Variants in TTBK2 observed in about 807,000 individuals in gnomAD.
TTBK2 encodes the protein tau-tubulin kinase 2.
Under a neutral mutation model 110.8 loss-of-function variants are expected in TTBK2, and 28 were observed. The observed-to-expected ratio is 0.25, with a 90% CI of 0.19 to 0.35. TTBK2 has a LOEUF of 0.35. Among genes scored for constraint, TTBK2 ranks in the 10% least tolerant of loss-of-function variants. The pLI is 1.00. For synonymous variants in TTBK2, 532 were observed against 527.3 expected (o/e 1.01, Z -0.12); for missense variants, 1,369 against 1,500.3 (o/e 0.91, Z 1.45).
At chr15:42,890,174 T>TG (rs1331234502) in intron 1 of TTBK2, among the ~76,000 whole-genome samples, 1 of 152,168 alleles carries the variant, frequency 6.6e-6, no homozygotes, top group Non-Finnish European at 1.5e-5. Context: ...ATCCACCCCC[T>TG]GCCTGCAAAA....
At chr15:42,791,373 T>C (rs1015248698) in intron 10 of TTBK2, among the ~76,000 whole-genome samples, 1 of 152,152 alleles carries the variant, frequency 6.6e-6, no homozygotes, top group African/African-American at 2.4e-5. Context: ...TTTTAACATA[T>C]TATTTTGTTT....
chr15:42,768,901 AC>A (rs1889519322), intron 13 of TTBK2, among the ~76,000 whole-genome samples: 1 of 152,230 alleles, frequency 6.6e-6, no homozygotes, highest in South Asian at 2.1e-4. Context: ...TGGTACTGGT[AC>A]CAAAACAGAT....
At chr15:42,757,579 A>C (rs2061965799) in intron 13 of TTBK2, among the ~76,000 whole-genome samples, 1 of 152,226 alleles carries the variant, frequency 6.6e-6, no homozygotes, top group Non-Finnish European at 1.5e-5. Flanking sequence ...TTATCTGACA[A>C]AATAAAAGGA....
At chr15:42,840,497 T>G (rs1893175893) in intron 3 of TTBK2, 64 bp from the exon 4 acceptor site, 2 of 1,442,224 alleles carry the variant, frequency 1.4e-6, no homozygotes, top group South Asian at 2.3e-5. Flanking sequence ...AATTAATAAT[T>G]TGCTTTTCTG....
At chr15:42,748,185 G>A (rs191632159) in intron 14 of TTBK2, among the ~76,000 whole-genome samples, 2 of 152,182 alleles carry the variant, frequency 1.3e-5, no homozygotes, top group East Asian at 1.9e-4. Context: ...CCCAGGGCAC[G>A]GTGGCTCACA....
Position 42,794,821 on chromosome 15 carries a change from A to T in TTBK2, c.823-20T>A. 1.2e-6 allele frequency: 2 copies of T among 1,613,888 alleles called. No homozygotes were observed. The highest frequency in any genetic ancestry group is 2.2e-5 in the South Asian group (2 of 91,054). On this transcript the variant is annotated intron_variant, in intron 9 of 14. Transcript: ENST00000267890. ...AAGAAGCTAAACCACAAAGAAAAAA[A>T]CTAGAGTAAGTGAACAGTAAACATA... is the stretch of plus-strand genomic sequence containing the variant.
intron 10 of TTBK2, among the ~76,000 whole-genome samples, chr15:42,783,873 C>T (rs1280222858): frequency 6.6e-6 from 1 of 151,836 alleles, no homozygotes; most frequent in Non-Finnish European, 1.5e-5. Context: ...ACCAGCCTGG[C>T]CAACATGGTG....
intron 7 of TTBK2, among the ~76,000 whole-genome samples, chr15:42,815,956 AAAAT>A (rs1891961822): frequency 3.1e-5 from 2 of 63,950 alleles, no homozygotes; most frequent in African/African-American, 1.9e-4. Flanking sequence ...ATTTAAAAAA[AAAAT>A]ATATATATAT....
chr15:42,870,044 C>T (rs1894551773), intron 3 of TTBK2, among the ~76,000 whole-genome samples: 1 of 151,902 alleles, frequency 6.6e-6, no homozygotes. Context: ...CATGGTGGCA[C>T]CCACCCGTAG....
At chr15:42,791,016 T>C (rs1216211948) in intron 10 of TTBK2, among the ~76,000 whole-genome samples, 1 of 152,172 alleles carries the variant, frequency 6.6e-6, no homozygotes. Flanking sequence ...CCCGAGTAGC[T>C]AGGGCTATAG....
At chr15:42,896,107 T>C (rs528110070) in intron 1 of TTBK2, among the ~76,000 whole-genome samples, 1 of 151,732 alleles carries the variant, frequency 6.6e-6, no homozygotes, top group South Asian at 2.1e-4. Flanking sequence ...CTCAAGTGGA[T>C]AACCTGAGGT....
intron 3 of TTBK2, chr15:42,871,478 A>G: frequency 1.0e-6 from 1 of 985,324 alleles, no homozygotes; most frequent in Non-Finnish European, 1.2e-6. Flanking sequence ...AGTAGGAGAA[A>G]GGTGAAGTGG....
chr15:42,867,405 T>C (rs886396176), intron 3 of TTBK2, among the ~76,000 whole-genome samples: 24 of 151,868 alleles, frequency 1.6e-4, no homozygotes, highest in Non-Finnish European at 2.9e-4. Flanking sequence ...AGAAAATCAA[T>C]AGAGAAAATT....
rs373428985 is a variant in TTBK2 at position 42,893,814 on chromosome 15, T to C, written c.-67-15130A>G. On this transcript the variant is annotated intron_variant, in intron 1 of 14. Transcript: ENST00000267890. Reference sequence around the variant, plus strand: ...GTTATCACTATAGACTCCACAGACATAAATATATAATTAGGAAACATAATG... The same window carrying C: ...GTTATCACTATAGACTCCACAGACACAAATATATAATTAGGAAACATAATG... Among the ~76,000 whole-genome samples, 15 of 152,166 alleles carry C rather than the reference T, an allele frequency of 9.9e-5. No homozygotes were observed. The East Asian group carries it at 1.9e-3, about 20-fold the overall frequency.
intron 13 of TTBK2, among the ~76,000 whole-genome samples, chr15:42,763,147 T>TATATATAC (rs1567008704): frequency 1.3e-5 from 1 of 74,638 alleles, no homozygotes; most frequent in African/African-American, 7.9e-5. Context: ...TACATACATA[T>TATATATAC]ATATATATAC....
At chr15:42,893,626 G>C (rs562266735) in intron 1 of TTBK2, among the ~76,000 whole-genome samples, 1 of 148,046 alleles carries the variant, frequency 6.8e-6, no homozygotes, top group East Asian at 2.0e-4. Context: ...GGAAACAAAA[G>C]ACAAAATAAT....
intron 3 of TTBK2, among the ~76,000 whole-genome samples, chr15:42,854,098 G>A (rs1893834138): frequency 6.6e-6 from 1 of 151,954 alleles, no homozygotes; most frequent in African/African-American, 2.4e-5. Flanking sequence ...ATTACAGCTG[G>A]CTAATTTTTT....
chr15:42,905,386 G>A (rs955176714), intron 1 of TTBK2, among the ~76,000 whole-genome samples: 20 of 151,926 alleles, frequency 1.3e-4, no homozygotes, highest in Non-Finnish European at 2.6e-4. Flanking sequence ...TGATCTCCCC[G>A]TCTCAGCCTC....
chr15:42,920,207 C>T (rs1430683097), intron 1 of TTBK2, among the ~76,000 whole-genome samples: 1 of 152,176 alleles, frequency 6.6e-6, no homozygotes, highest in Non-Finnish European at 1.5e-5. Flanking sequence ...ACACCCAAAG[C>T]CTGGGGCAAA....
Sources: gnomAD v4.1 joint callset for allele counts (sites outside exome capture counted in the v4.1 genomes callset) on GRCh38, gnomAD v4.1.1 for gene constraint, MANE v1.5 for transcripts, NCBI Gene and HGNC (gene_info 2026-07-23, HGNC 2026-07-21) for gene names.